Variants in TENM1 observed in about 807,000 individuals in gnomAD.
TENM1 encodes the protein teneurin transmembrane protein 1.
Under a neutral mutation model 174.8 loss-of-function variants are expected in TENM1, and 35 were observed. The ratio of observed to expected loss-of-function variants is 0.20; its 90% CI spans 0.15 to 0.27. The LOEUF (loss-of-function observed/expected upper bound fraction) is 0.27, where lower values mean the gene tolerates loss of function less well. Ranked by LOEUF, TENM1 falls within the 10% of genes least tolerant of loss-of-function variation. The pLI is 1.00. For synonymous variants in TENM1, 781 were observed against 798.7 expected, an observed-to-expected ratio of 0.98 and a Z score of 0.37; for missense variants, 1,633 against 2,130.1, an observed-to-expected ratio of 0.77 and a Z score of 4.59.
At chrX:124,548,901 A>T (rs1175973231) in intron 14 of TENM1, among the ~76,000 whole-genome samples, 1 of 111,633 alleles carries the variant, frequency 9.0e-6, no homozygotes, top group Non-Finnish European at 1.9e-5. Flanking sequence ...GGTCCTTTCA[A>T]ATTCCCTGTA....
At chrX:124,896,133 G>C in exon 2 of TENM1, 1 of 1,211,448 alleles carries the variant, frequency 8.3e-7, no homozygotes, top group Non-Finnish European at 1.1e-6. Context: ...TTCTGTCTCT[G>C]TGTCCACATC....
At chrX:124,565,113 T>G (rs192228835) in intron 12 of TENM1, among the ~76,000 whole-genome samples, 16 of 112,136 alleles carry the variant, frequency 1.4e-4, no homozygotes, top group Admixed American at 2.8e-4. Context: ...ATCTTTCACT[T>G]GAGTAACTCA....
chrX:124,771,685 G>T (rs972709027), intron 3 of TENM1, among the ~76,000 whole-genome samples: 2 of 111,854 alleles, frequency 1.8e-5, no homozygotes, highest in South Asian at 7.5e-4. Context: ...AAAATGAATG[G>T]GGCAAAGAAT....
At chrX:124,481,758 G>A (rs1465916393) in exon 22 of TENM1, 8 of 1,150,369 alleles carry the variant, frequency 7.0e-6, no homozygotes, top group African/African-American at 1.8e-5. Context: ...TGAAGCTTCC[G>A]ATGCTCTCCC....
intron 3 of TENM1, among the ~76,000 whole-genome samples, chrX:124,838,441 G>A (rs2056434023): frequency 8.9e-6 from 1 of 111,880 alleles, no homozygotes; most frequent in Non-Finnish European, 1.9e-5. Flanking sequence ...AAGATAAAGT[G>A]AAAAGGCAAG....
chrX:124,589,987 C>A (rs920778029), intron 11 of TENM1, among the ~76,000 whole-genome samples: 30 of 111,246 alleles, frequency 2.7e-4, no homozygotes, highest in Middle Eastern at 4.7e-3. Flanking sequence ...TTTTCTATTT[C>A]CTCTAGGTGT....
chrX:124,515,180 G>C, intron 18 of TENM1, among the ~76,000 whole-genome samples: 1 of 111,208 alleles, frequency 9.0e-6, no homozygotes, highest in Non-Finnish European at 1.9e-5. Context: ...AATAAACTAG[G>C]TATTGAAGGA....
chrX:125,198,266 G>C, the TENM1 span, among the ~76,000 whole-genome samples: 1 of 111,784 alleles, frequency 8.9e-6, no homozygotes, highest in East Asian at 2.8e-4. Context: ...ATTGTAATAA[G>C]ACTTTTTTTA....
intron 16 of TENM1, among the ~76,000 whole-genome samples, chrX:124,524,509 C>T (rs1250271687): frequency 1.8e-5 from 2 of 111,689 alleles, no homozygotes; most frequent in Non-Finnish European, 1.9e-5. Context: ...CAGCTATGCC[C>T]GACCAAGCCT....
At chrX:124,871,986 C>T (rs1381289176) in intron 3 of TENM1, among the ~76,000 whole-genome samples, 2 of 99,767 alleles carry the variant, frequency 2.0e-5, no homozygotes, top group Non-Finnish European at 4.0e-5. Context: ...GAGCAGAGAT[C>T]GTGCCACTGC....
intron 5 of TENM1, among the ~76,000 whole-genome samples, chrX:124,693,008 CAAAAAAAAAAA>C (rs576815327): frequency 3.0e-5 from 1 of 33,575 alleles, no homozygotes; most frequent in Non-Finnish European, 6.2e-5. Flanking sequence ...AACTCCATCT[CAAAAAAAAAAA>C]AAAAAGAAAA....
chrX:124,804,588 A>G (rs766089641), intron 3 of TENM1, among the ~76,000 whole-genome samples: 4 of 112,196 alleles, frequency 3.6e-5, no homozygotes, highest in Non-Finnish European at 7.5e-5. Flanking sequence ...ACTTCCAATA[A>G]CAAAAATTTC....
intron 3 of TENM1, among the ~76,000 whole-genome samples, chrX:124,757,583 C>T (rs964990086): frequency 4.4e-5 from 5 of 112,473 alleles, no homozygotes; most frequent in African/African-American, 9.7e-5. Flanking sequence ...CCGTCTTCTG[C>T]GTCGCTCACG....
chrX:124,909,745 T>C (rs1157193810), intron 1 of TENM1, among the ~76,000 whole-genome samples: 5 of 112,179 alleles, frequency 4.5e-5, no homozygotes, highest in African/African-American at 1.6e-4. Flanking sequence ...AAAGAAAACA[T>C]TGGCCTCTCT....
At chrX:125,173,191 T>C in the TENM1 span, among the ~76,000 whole-genome samples, 1 of 111,553 alleles carries the variant, frequency 9.0e-6, no homozygotes, top group African/African-American at 3.2e-5. Context: ...ACCCTATCAA[T>C]ATAATTTGTG....
chrX:124,550,235 C>A (rs774937561), intron 14 of TENM1, among the ~76,000 whole-genome samples: 2 of 111,274 alleles, frequency 1.8e-5, no homozygotes, highest in African/African-American at 6.6e-5. Flanking sequence ...TAATTGTATG[C>A]CCTTGGCTGA....
intron 3 of TENM1, among the ~76,000 whole-genome samples, chrX:124,801,951 G>A (rs147976932): frequency 7.1e-4 from 79 of 111,836 alleles, no homozygotes; most frequent in African/African-American, 2.4e-3. Flanking sequence ...CTGCTGAGAG[G>A]TTCATTGTTA....
Position 124,591,164 on chromosome X carries a change from G to C in TENM1, c.2078-25604C>G, listed in dbSNP as rs192714477. 7.2e-5 allele frequency among the ~76,000 whole-genome samples: 8 copies of C among 111,623 alleles called. No individual in the cohort carries two copies. The Admixed American group carries it at 7.6e-4, about 11-fold the overall frequency. ...GTCTCTTAAAGATAGCAGATGGATG[G>C]GTCTTGTTTTTTTATCCAACTTGTG... On this transcript the variant is annotated intron_variant, in intron 11 of 31. Transcript: ENST00000422452.
At chrX:124,980,774 T>C in the TENM1 span, among the ~76,000 whole-genome samples, 10 of 111,515 alleles carry the variant, frequency 9.0e-5, no homozygotes, top group East Asian at 2.8e-3. Context: ...ACAGGGCTTA[T>C]TGCCAATCAT....
Sources: allele counts gnomAD v4.1 joint callset (sites outside exome capture counted in the v4.1 genomes callset), GRCh38; gene constraint gnomAD v4.1.1; transcripts MANE v1.5; gene names NCBI Gene and HGNC (gene_info 2026-07-23, HGNC 2026-07-21).